TRPT1: variants seen among roughly 807,000 people sequenced by gnomAD.
TRPT1 encodes tRNA phosphotransferase 1, also known as tRNA 2'-phosphotransferase 1.
TRPT1 carries 22 observed loss-of-function variants against 28.4 expected under a neutral mutation model. The ratio of observed to expected loss-of-function variants is 0.78; its 90% CI spans 0.55 to 1.11. The LOEUF (loss-of-function observed/expected upper bound fraction) is 1.11, where lower values mean the gene tolerates loss of function less well. TRPT1 is among the 50% of genes least tolerant of loss of function. TRPT1 has a pLI of 0.00. For missense variants in TRPT1, 308 were observed against 317.7 expected (o/e 0.97, Z 0.23); for synonymous variants, 137 against 132.4 (o/e 1.03, Z -0.24).
At chr11:64,225,466 G>A in intron 3 of TRPT1, 33 bp downstream of exon 3, 1 of 1,582,642 alleles carries the variant, frequency 6.3e-7, no homozygotes, top group Non-Finnish European at 8.6e-7. Flanking sequence ...TTCTCTCTGG[G>A]CTCAAGCCCC....
intron 5 of TRPT1, 72 bp downstream of exon 5, chr11:64,224,471 G>A: frequency 6.3e-7 from 1 of 1,583,726 alleles, no homozygotes; most frequent in Non-Finnish European, 8.6e-7. Context: ...CCAGACAAGT[G>A]TTGTAACCTT....
intron 7 of TRPT1, 62 bp downstream of exon 7, chr11:64,224,038 G>A: frequency 6.3e-7 from 1 of 1,590,002 alleles, no homozygotes; most frequent in East Asian, 2.2e-5. Context: ...TAGGAGAGAG[G>A]TGAGGGCAGA....
chr11:64,225,660 G>A (rs2099416856), intron 2 of TRPT1, 80 bp from the exon 3 acceptor site: 2 of 1,449,190 alleles, frequency 1.4e-6, no homozygotes, highest in Non-Finnish European at 1.9e-6. Flanking sequence ...ATGACCCACT[G>A]CAGAGAGAGC....
chr11:64,225,499 C>T lies in TRPT1; in HGVS notation c.157G>A (p.Asp53Asn), dbSNP rs749814438. The T allele has an allele frequency of 6.2e-7, 1 of 1,612,508 alleles. No homozygotes were observed. Among genetic ancestry groups the T allele is most frequent in the South Asian group, 1.1e-5 (1 of 90,842 alleles). The change falls in exon 3 of 8, where the codon GAT (aspartate) becomes AAT (asparagine). Residue 53 changes from aspartate to asparagine, a missense_variant and splice_region_variant. Coordinates refer to ENST00000317459, the MANE Select transcript of TRPT1 (RefSeq NM_001033678.4). Reference sequence around the variant, plus strand: ...CCCAGCCTCCAAGGCCCCTACTTACCAGCTCCCATGGGAAGCCCCAGCTTC... The same window carrying T: ...CCCAGCCTCCAAGGCCCCTACTTACTAGCTCCCATGGGAAGCCCCAGCTTC... ...ALKLGLPMGA[D>N]GFVPLGTLLQ...
rs766675243 is a variant in TRPT1, at chr11:64,224,506, T to G, written c.502+37A>C. 7 of 1,564,246 alleles carry G rather than the reference T, an allele frequency of 4.5e-6. No individual in the cohort carries two copies. The South Asian group carries it at 8.4e-5, about 19-fold the overall frequency. On this transcript the variant is annotated intron_variant, in intron 5 of 7. Transcript: ENST00000317459. ...TTGAAGGGGACCTGGGAGGACAGAG[T>G]GGGTGGGAGTAGCTAGGTGGAGGGG...
intron 7 of TRPT1, 61 bp downstream of exon 7, chr11:64,224,039 T>G: frequency 1.3e-6 from 2 of 1,589,066 alleles, no homozygotes; most frequent in Non-Finnish European, 1.7e-6. Context: ...AGGAGAGAGG[T>G]GAGGGCAGAA....
chr11:64,225,764 G>T (rs369451294), intron 2 of TRPT1, 22 bp downstream of exon 2: 2 of 1,531,868 alleles, frequency 1.3e-6, no homozygotes, highest in South Asian at 1.2e-5. Context: ...CTGGTGGGAG[G>T]GGGTGGGGAG....
chr11:64,225,840 CCCT>C lies in TRPT1; in HGVS notation c.18_20del (p.Gly7del), dbSNP rs1946978955. 1 of 1,555,508 alleles carries C rather than the reference CCCT, an allele frequency of 6.4e-7. No individual in the cohort carries two copies. The highest frequency in any genetic ancestry group is 8.7e-7 in the Non-Finnish European group (1 of 1,148,682). On this transcript the variant is annotated inframe_deletion, in exon 2 of 8. Coordinates refer to ENST00000317459, the MANE Select transcript of TRPT1 (RefSeq NM_001033678.4). ...CCCTGGACCCTGCTGCTTCCTGCCT[CCCT>C]CCTCCAGAGAAGTTCATGGTTAAGA...
At position 64,224,734 on chromosome 11, in the gene TRPT1, C is replaced by T; in HGVS notation, c.328-17G>A. The stretch of plus-strand genomic sequence containing the variant: ...CTTAGGTACCTGGTTGAACGGGTAG[C>T]AGTGAGACCCCCTTCGCAGGCAGGG... On this transcript the variant is annotated splice_polypyrimidine_tract_variant and intron_variant, in intron 4 of 7. Coordinates refer to ENST00000317459, the MANE Select transcript of TRPT1 (RefSeq NM_001033678.4). 1 of 1,601,232 alleles carries T rather than the reference C, an allele frequency of 6.2e-7. No individual in the cohort carries two copies.
In TRPT1 at chr11:64,226,021, G is replaced by C. The variant is rs1946996496; in HGVS notation, c.-10+29C>G. 14 of 604,522 alleles carry C rather than the reference G, an allele frequency of 2.3e-5. No individual in the cohort carries two copies. The East Asian group carries it at 4.0e-4, about 17-fold the overall frequency. The allele number at this position is 604,522 out of a possible 1,614,324, so 37.4% of individuals were successfully genotyped here. A position where few individuals can be genotyped will look rare whatever the true frequency, so the allele number is the denominator to read the frequency against. On this transcript the variant is annotated intron_variant, in intron 1 of 7. Transcript: ENST00000317459. ...CCCCCAAGTCCCTGCTGCAGAGAGG[G>C]AAACTAAGGCCCAGCAGGCCAGACT...
rs370231160 is a variant in TRPT1 at position 64,224,314 on chromosome 11, A to G, written c.530T>C (p.Val177Ala). 8.1e-6 allele frequency: 13 copies of G among 1,613,828 alleles called. No homozygotes were observed. The African/African-American group carries it at 1.2e-4, about 15-fold the overall frequency. ...CAGAGCCAGGGGTCCATCGATGAACACAGCTATTTCACAATGGGACCGCAT... is the reference window on the plus strand; with the variant it reads ...CAGAGCCAGGGGTCCATCGATGAACGCAGCTATTTCACAATGGGACCGCAT... ...SGMRSHCEIA[V>A]FIDGPLALAD... The change falls in exon 6 of 8, where the codon GTG (valine) becomes GCG (alanine). Residue 177 changes from valine to alanine, a missense_variant. Val to Ala is a moderately conservative substitution (Grantham distance 64). Coordinates refer to ENST00000317459, the MANE Select transcript of TRPT1 (RefSeq NM_001033678.4).
rs757323255 is a variant in TRPT1, at chr11:64,224,378, G to A, written c.503-37C>T. The A allele has an allele frequency of 8.1e-6, 13 of 1,612,634 alleles. No homozygotes were observed. In the Admixed American group the frequency reaches 1.0e-4, roughly 12 times the overall value. ...GCTGGAGCTGAGGCCTGGGCACCTG[G>A]AGTGCAGTCAGCAACCTAGGCAGAC... On this transcript the variant is annotated intron_variant, in intron 5 of 7. Transcript: ENST00000317459.
Position 64,224,280 on chromosome 11 carries a change from C to T in TRPT1, c.559+5G>A, listed in dbSNP as rs767931078. The stretch of plus-strand genomic sequence containing the variant: ...AAGGGCAGCTCCTGCTTTGTCCAGA[C>T]TCACCTGCCAGAGCCAGGGGTCCAT... On this transcript the variant is annotated splice_donor_5th_base_variant and intron_variant, in intron 6 of 7. Coordinates refer to ENST00000317459, the MANE Select transcript of TRPT1 (RefSeq NM_001033678.4). 14 of 1,613,796 alleles carry T rather than the reference C, an allele frequency of 8.7e-6. No homozygotes were observed. Among genetic ancestry groups the T allele is most frequent in the Admixed American group, 6.7e-5 (4 of 60,004 alleles).
rs767320485 is a variant in TRPT1, at chr11:64,225,788, G to A, written c.73C>T (p.Gln25Ter). ...GGGGGTGGGGAGGAGGCGCGCACCT[G>A]TTCTCGGGGTCTGGGAGCCCTTCTA... ...RGRRAPRPRE[Q>*]DRDVQLSKAL... The change falls in exon 2 of 8, where the codon CAG becomes TAG. Residue 25 changes from glutamine (Q) to a stop codon, truncating the protein, a stop_gained and splice_region_variant. Transcript: ENST00000317459. LOFTEE classifies it high-confidence loss of function. The A allele has an allele frequency of 2.7e-5, 42 of 1,550,768 alleles. No homozygotes were observed. Among genetic ancestry groups the A allele is most frequent in the African/African-American group, 4.1e-5 (3 of 73,332 alleles).
chr11:64,224,785 G>A lies in TRPT1; in HGVS notation c.327+16C>T, dbSNP rs1435485905. The A allele has an allele frequency of 2.5e-6, 4 of 1,613,020 alleles. No homozygotes were observed. Among genetic ancestry groups the A allele is most frequent in the Non-Finnish European group, 3.4e-6 (4 of 1,179,268 alleles). On this transcript the variant is annotated intron_variant, in intron 4 of 7. Coordinates refer to ENST00000317459, the MANE Select transcript of TRPT1 (RefSeq NM_001033678.4). ...GTCCCTCCCATCTCGTCTCGCACTT[G>A]TCCCCTCACCCCGACCTGCAGGGAA... is the stretch of plus-strand genomic sequence containing the variant.
rs1946854571 is a variant in TRPT1 at position 64,224,609 on chromosome 11, A to G, written c.436T>C (p.Ser146Pro). 1 of 1,604,950 alleles carries G rather than the reference A, an allele frequency of 6.2e-7. No homozygotes were observed. Among genetic ancestry groups the G allele is most frequent in the Non-Finnish European group, 8.5e-7 (1 of 1,174,852 alleles). The change falls in exon 5 of 8, where the codon TCC (serine) becomes CCC (proline). Residue 146 changes from serine (S) to proline (P), a missense_variant. Ser to Pro is a moderately conservative substitution (Grantham distance 74, BLOSUM62 -1). Coordinates refer to ENST00000317459, the MANE Select transcript of TRPT1 (RefSeq NM_001033678.4). ...HWPSILLKGL[S>P]CQGRTHIHLA... The stretch of plus-strand genomic sequence containing the variant: ...TGAATGTGCGTCCTTCCCTGGCAGG[A>G]CAGGCCTTTGAGTAGGATGGATGGC...
At position 64,224,219 on chromosome 11, in the gene TRPT1, A is replaced by G; in HGVS notation, c.560-9T>C. ...GAAGAAGGGTATTCCATCTGCTGACAGAGCCAGAGATGTGACTCATGCCCT... is the reference window on the plus strand; with the variant it reads ...GAAGAAGGGTATTCCATCTGCTGACGGAGCCAGAGATGTGACTCATGCCCT... On this transcript the variant is annotated splice_polypyrimidine_tract_variant and intron_variant, in intron 6 of 7. Coordinates refer to ENST00000317459, the MANE Select transcript of TRPT1 (RefSeq NM_001033678.4). The G allele has an allele frequency of 6.2e-7, 1 of 1,612,946 alleles. No homozygotes were observed. Among genetic ancestry groups the G allele is most frequent in the Non-Finnish European group, 8.5e-7 (1 of 1,179,230 alleles).
chr11:64,225,816 C>T lies in TRPT1; in HGVS notation c.45G>A (p.Arg15=). ...CTCGGGGTCTGGGAGCCCTTCTACC[C>T]CTGGACCCTGCTGCTTCCTGCCTCC... ...GGGRQEAAGS[R]GRRAPRPREQ... The change falls in exon 2 of 8, where the codon AGG becomes AGA. Residue 15 remains arginine, a synonymous_variant. Coordinates refer to ENST00000317459, the MANE Select transcript of TRPT1 (RefSeq NM_001033678.4). The T allele has an allele frequency of 6.4e-7, 1 of 1,554,822 alleles. No individual in the cohort carries two copies. The highest frequency in any genetic ancestry group is 8.7e-7 in the Non-Finnish European group (1 of 1,148,598).
At position 64,223,842 on chromosome 11, in the gene TRPT1, AC is replaced by A. The variant is rs747018387; in HGVS notation, c.*33del. 7.1e-7 allele frequency: 1 copy of A among 1,403,566 alleles called. No individual in the cohort carries two copies. The highest frequency in any genetic ancestry group is 1.3e-5 in the South Asian group (1 of 75,872). The allele number at this position is 1,403,566 out of a possible 1,614,324, so 86.9% of individuals were successfully genotyped here. On this transcript the variant is annotated 3_prime_UTR_variant, in exon 8 of 8. Transcript: ENST00000317459. ...GGTTTCAAACGAGTTCTTTCTTGTTACTTTTTAAAATTTCTTTTTTATAAAT... is the reference window on the plus strand; with the variant it reads ...GGTTTCAAACGAGTTCTTTCTTGTTATTTTTAAAATTTCTTTTTTATAAAT...
Sources: allele counts gnomAD v4.1 joint callset, GRCh38; gene constraint gnomAD v4.1.1; transcripts MANE v1.5; gene names NCBI Gene and HGNC (gene_info 2026-07-23, HGNC 2026-07-21).